ADGRV1: variants seen among roughly 807,000 people sequenced by gnomAD.
ADGRV1 encodes adhesion G protein-coupled receptor V1.
ADGRV1 carries 359 observed loss-of-function variants against 596.2 expected under a neutral mutation model. The ratio of observed to expected loss-of-function variants is 0.60; its 90% CI spans 0.55 to 0.66. The LOEUF (loss-of-function observed/expected upper bound fraction) is 0.66. Ranked by LOEUF, ADGRV1 falls within the 30% of genes least tolerant of loss-of-function variation. ADGRV1 has a pLI of 0.00. For synonymous variants in ADGRV1, 2,681 were observed against 2,679.2 expected (o/e 1.00, Z -0.02); for missense variants, 7,274 against 7,575.6 (o/e 0.96, Z 1.48).
intron 83 of ADGRV1, among the ~76,000 whole-genome samples, chr5:90,926,989 G>A (rs1774551358): frequency 6.6e-6 from 1 of 151,528 alleles, no homozygotes; most frequent in Non-Finnish European, 1.5e-5. Context: ...TTGCACTGTG[G>A]TCTGAGAGAT....
Position 90,724,896 on chromosome 5 carries a change from T to C in ADGRV1, c.9813T>C (p.Cys3271=), listed in dbSNP as rs1561602768. 9 of 1,612,696 alleles carry C rather than the reference T, an allele frequency of 5.6e-6. No homozygotes were observed. Among genetic ancestry groups the C allele is most frequent in the Non-Finnish European group, 6.8e-6 (8 of 1,178,976 alleles). The part of the protein sequence containing the change: ...SFLDESASGW[C]FFTLENLIYG... ...TGGATGAATCAGCTTCTGGCTGGTG[T>C]TTCTTTACTTTGGAAAATTTAATAT... is the stretch of plus-strand genomic sequence containing the variant. The change falls in exon 46 of 90, where the codon TGT becomes TGC. Residue 3271 remains cysteine, a synonymous_variant. Transcript: ENST00000405460.
chr5:90,611,980 A>G (rs924607240), intron 1 of ADGRV1, among the ~76,000 whole-genome samples: 4 of 152,002 alleles, frequency 2.6e-5, no homozygotes, highest in Non-Finnish European at 5.9e-5. Flanking sequence ...TGCCCGAACA[A>G]CTTTTCATAC....
chr5:91,022,041 A>G (rs1354194353), intron 85 of ADGRV1, among the ~76,000 whole-genome samples: 1 of 152,080 alleles, frequency 6.6e-6, no homozygotes, highest in East Asian at 1.9e-4. Context: ...AGATTCTAAA[A>G]TCATACAAAC....
At chr5:90,988,814 C>T (rs1319877735) in intron 85 of ADGRV1, among the ~76,000 whole-genome samples, 5 of 134,348 alleles carry the variant, frequency 3.7e-5, no homozygotes, top group South Asian at 2.8e-4. Context: ...CAACAGGCCC[C>T]GGTGTGTGAT....
At chr5:90,687,802 G>T (rs1400443174) in intron 29 of ADGRV1, among the ~76,000 whole-genome samples, 1 of 152,064 alleles carries the variant, frequency 6.6e-6, no homozygotes, top group Non-Finnish European at 1.5e-5. Flanking sequence ...ATTCACAATT[G>T]CTTCAAAGAG....
At chr5:90,657,209 G>A (rs1769532972) in intron 20 of ADGRV1, among the ~76,000 whole-genome samples, 1 of 150,768 alleles carries the variant, frequency 6.6e-6, no homozygotes, top group Admixed American at 6.6e-5. Context: ...ATCGCTTGAG[G>A]CCAGGAGTTT....
chr5:90,745,635 T>C lies in ADGRV1; in HGVS notation c.10814T>C (p.Ile3605Thr), dbSNP rs1405016451. The C allele has an allele frequency of 6.2e-7, 1 of 1,612,722 alleles. No homozygotes were observed. Among genetic ancestry groups the C allele is most frequent in the Non-Finnish European group, 8.5e-7 (1 of 1,179,262 alleles). ...GAACCTGGTGAGAGAGAAGCTACAA[T>C]AGCAGTAAATATCCTTGATGATACA... is the stretch of plus-strand genomic sequence containing the variant. ...IFEPGEREATIAVNILDDTVP... is the reference protein window; with the variant it reads ...IFEPGEREATTAVNILDDTVP... The change falls in exon 52 of 90, where the codon ATA (isoleucine) becomes ACA (threonine). Residue 3605 changes from isoleucine (I) to threonine (T), a missense_variant. Around this residue, in one of 5 missense-constraint regions of ADGRV1, gnomAD observed 3,643 missense variants for 3,809.2 expected, o/e 0.96. Transcript: ENST00000405460.
At chr5:90,895,386 G>T (rs1001299025) in intron 83 of ADGRV1, among the ~76,000 whole-genome samples, 1 of 152,186 alleles carries the variant, frequency 6.6e-6, no homozygotes, top group Non-Finnish European at 1.5e-5. Flanking sequence ...TCACTGTGGG[G>T]CTGACATGTG....
chr5:90,796,712 C>A (rs1044684653), intron 70 of ADGRV1, among the ~76,000 whole-genome samples: 2 of 152,146 alleles, frequency 1.3e-5, no homozygotes, highest in Non-Finnish European at 2.9e-5. Context: ...ATGTTAAGGG[C>A]AGCCAGAGAG....
chr5:90,706,446 T>C (rs1306873697), intron 38 of ADGRV1, 52 bp downstream of exon 38: 11 of 1,426,926 alleles, frequency 7.7e-6, no homozygotes, highest in Non-Finnish European at 9.4e-6. Flanking sequence ...TAATAAGTTT[T>C]TTTTATTATA....
At chr5:91,162,836 C>G (rs1797067538) in intron 89 of ADGRV1, among the ~76,000 whole-genome samples, 1 of 152,118 alleles carries the variant, frequency 6.6e-6, no homozygotes, top group African/African-American at 2.4e-5. Context: ...CCTTTTCTTC[C>G]TCTCAGACAG....
intron 85 of ADGRV1, among the ~76,000 whole-genome samples, chr5:91,046,864 T>C (rs1010854745): frequency 1.3e-4 from 19 of 151,996 alleles, no homozygotes; most frequent in African/African-American, 4.6e-4. Flanking sequence ...AGGACATGAA[T>C]AGACAATTCT....
chr5:90,576,832 T>C (rs1048335529), intron 1 of ADGRV1, among the ~76,000 whole-genome samples: 5 of 152,234 alleles, frequency 3.3e-5, no homozygotes, highest in South Asian at 4.1e-4. Flanking sequence ...TTGTATCTCA[T>C]TGTGGTTTTG....
intron 67 of ADGRV1, among the ~76,000 whole-genome samples, chr5:90,787,524 A>C (rs1242624659): frequency 6.6e-6 from 1 of 151,612 alleles, no homozygotes; most frequent in African/African-American, 2.4e-5. Context: ...TGTGATGACA[A>C]ATTATTCATG....
Position 91,020,580 on chromosome 5 carries a change from A to G in ADGRV1, c.18152+35058A>G, listed in dbSNP as rs114167125. Among the ~76,000 whole-genome samples the G allele has an allele frequency of 1.6e-3, 236 of 152,126 alleles. 1 individual carries two copies. Among genetic ancestry groups the G allele is most frequent in the African/African-American group, 4.9e-3 (202 of 41,546 alleles). On this transcript the variant is annotated intron_variant, in intron 85 of 89. Coordinates refer to ENST00000405460, the MANE Select transcript of ADGRV1 (RefSeq NM_032119.4). ...ACTCTGGACTGTCTGTGTTCTTTCA[A>G]TCACGCCATTGCCTGGAATCCATTC...
chr5:90,820,193 T>A (rs376645166), intron 75 of ADGRV1, among the ~76,000 whole-genome samples: 1,627 of 149,050 alleles, frequency 0.011, 11 homozygotes, highest in Middle Eastern at 0.021. Context: ...TCTCTTTTGA[T>A]CTTTGTTGGT....
intron 87 of ADGRV1, among the ~76,000 whole-genome samples, chr5:91,114,255 A>G (rs377650486): frequency 6.6e-6 from 1 of 151,814 alleles, no homozygotes; most frequent in African/African-American, 2.4e-5. Context: ...GGCTGGGTGC[A>G]GTGGGTCAAG....
chr5:90,831,612 T>C (rs150790406), intron 77 of ADGRV1, among the ~76,000 whole-genome samples: 5,854 of 152,118 alleles, frequency 0.038, 398 homozygotes, highest in African/African-American at 0.13. Context: ...TACAATAAAT[T>C]ATTGTTGACT....
chr5:90,819,730 G>A lies in ADGRV1; in HGVS notation c.16197-3695G>A, dbSNP rs796822896. 3.8e-3 allele frequency among the ~76,000 whole-genome samples: 578 copies of A among 152,038 alleles called. 8 individuals carry two copies. In the South Asian group the frequency reaches 0.042, roughly 11 times the overall value. On this transcript the variant is annotated intron_variant, in intron 75 of 89. Coordinates refer to ENST00000405460, the MANE Select transcript of ADGRV1 (RefSeq NM_032119.4). ...TTTCCATGTAGTTGAGCGGTTTTGA[G>A]TGAGATTCTTAATCCTGAGTTCCAG...
Sources: allele counts gnomAD v4.1 joint callset (sites outside exome capture counted in the v4.1 genomes callset), GRCh38; gene constraint gnomAD v4.1.1; regional missense constraint gnomAD v4.1.1; transcripts MANE v1.5; gene names NCBI Gene and HGNC (gene_info 2026-07-23, HGNC 2026-07-21).